The following PLCL1 variants were observed in gnomAD, a reference collection of about 807,000 sequenced individuals.
PLCL1 encodes phospholipase C like 1 (inactive), also known as inactive phospholipase C-like protein 1.
PLCL1 carries 41 observed loss-of-function variants against 84.4 expected under a neutral mutation model. The ratio of observed to expected loss-of-function variants is 0.49; its 90% CI spans 0.38 to 0.63. The LOEUF (loss-of-function observed/expected upper bound fraction) is 0.63. PLCL1 is among the 30% of genes least tolerant of loss of function. The pLI is 0.00. For missense variants in PLCL1, 1,206 were observed against 1,367.8 expected (o/e 0.88, Z 1.87); for synonymous variants, 490 against 488.3 (o/e 1.00, Z -0.05).
chr2:197,893,558 A>G (rs1688072563), intron 1 of PLCL1, among the ~76,000 whole-genome samples: 1 of 152,198 alleles, frequency 6.6e-6, no homozygotes, highest in African/African-American at 2.4e-5. Flanking sequence ...ATCATTACAA[A>G]TGTGACTTTA....
At chr2:198,089,756 G>T (rs564725946) in intron 3 of PLCL1, among the ~76,000 whole-genome samples, 10 of 152,130 alleles carry the variant, frequency 6.6e-5, no homozygotes, top group Non-Finnish European at 1.3e-4. Context: ...TGGATATTAA[G>T]GGACAACCAA....
chr2:197,954,217 T>C (rs1293154215), intron 1 of PLCL1, among the ~76,000 whole-genome samples: 3 of 152,114 alleles, frequency 2.0e-5, no homozygotes, highest in Non-Finnish European at 2.9e-5. Context: ...TCTCTTGGCC[T>C]TAGAATGAGG....
intron 1 of PLCL1, among the ~76,000 whole-genome samples, chr2:198,017,374 A>G (rs1691023317): frequency 6.6e-6 from 1 of 152,260 alleles, no homozygotes; most frequent in East Asian, 1.9e-4. Flanking sequence ...TGGCTGAATA[A>G]GAAGGATGAC....
intron 1 of PLCL1, among the ~76,000 whole-genome samples, chr2:197,930,833 C>A (rs772463345): frequency 1.3e-5 from 2 of 152,148 alleles, no homozygotes; most frequent in Non-Finnish European, 2.9e-5. Flanking sequence ...CATAAGGAGG[C>A]CAGCACTGTC....
intron 1 of PLCL1, among the ~76,000 whole-genome samples, chr2:197,859,790 C>A (rs1040491771): frequency 6.6e-6 from 1 of 152,086 alleles, no homozygotes; most frequent in East Asian, 1.9e-4. Flanking sequence ...AGCTATACCA[C>A]CTAGTTTTGG....
intron 1 of PLCL1, among the ~76,000 whole-genome samples, chr2:198,053,680 G>A (rs1574276978): frequency 6.6e-6 from 1 of 152,218 alleles, no homozygotes; most frequent in Non-Finnish European, 1.5e-5. Context: ...CTAGCTGTGA[G>A]CTGCAGTACT....
At chr2:197,996,832 A>AGG (rs1310679570) in intron 1 of PLCL1, among the ~76,000 whole-genome samples, 1 of 152,142 alleles carries the variant, frequency 6.6e-6, no homozygotes, top group Admixed American at 6.5e-5. Context: ...TTTACTAGTA[A>AGG]AGCAACCCAA....
Position 198,139,851 on chromosome 2 carries a change from G to A in PLCL1, c.3106-6929G>A, listed in dbSNP as rs142125988. 2.2e-3 allele frequency among the ~76,000 whole-genome samples: 341 copies of A among 152,132 alleles called. 1 individual carries two copies. The highest frequency in any genetic ancestry group is 7.7e-3 in the African/African-American group (321 of 41,490). On this transcript the variant is annotated intron_variant, in intron 5 of 5. Transcript: ENST00000428675. Reference sequence around the variant, plus strand: ...GTTTCCAAAGCACAGGGAAGAGATGGGTGTATCTCAGTTCACATATACATA... The same window carrying A: ...GTTTCCAAAGCACAGGGAAGAGATGAGTGTATCTCAGTTCACATATACATA...
At chr2:197,875,646 A>T (rs1183927883) in intron 1 of PLCL1, among the ~76,000 whole-genome samples, 1 of 152,046 alleles carries the variant, frequency 6.6e-6, no homozygotes, top group East Asian at 1.9e-4. Flanking sequence ...TTTGCTCCCG[A>T]CATAACACCC....
chr2:198,104,069 T>C (rs1281155398), intron 5 of PLCL1, 133 bp downstream of exon 5: 1 of 487,570 alleles, frequency 2.1e-6, no homozygotes. Context: ...CAGGGTTACA[T>C]GTGCAGGTTT....
chr2:197,992,921 C>T (rs1158902328), intron 1 of PLCL1, among the ~76,000 whole-genome samples: 1 of 152,142 alleles, frequency 6.6e-6, no homozygotes, highest in East Asian at 1.9e-4. Flanking sequence ...TTGAAGGGTA[C>T]TTGGGTTACT....
At chr2:197,851,216 CT>C (rs1229333922) in intron 1 of PLCL1, among the ~76,000 whole-genome samples, 2 of 152,168 alleles carry the variant, frequency 1.3e-5, no homozygotes, top group African/African-American at 4.8e-5. Context: ...AGCGGAAAAA[CT>C]TTTTTCCTCC....
At chr2:197,957,925 A>T (rs963770408) in intron 1 of PLCL1, among the ~76,000 whole-genome samples, 1 of 152,086 alleles carries the variant, frequency 6.6e-6, no homozygotes, top group Non-Finnish European at 1.5e-5. Flanking sequence ...GTTGTCCTGA[A>T]GCAGATCCAC....
intron 5 of PLCL1, among the ~76,000 whole-genome samples, chr2:198,121,387 C>T (rs1360460981): frequency 1.3e-5 from 2 of 151,978 alleles, no homozygotes; most frequent in Non-Finnish European, 2.9e-5. Context: ...GACACATTTC[C>T]CCAGACAAAT....
At chr2:198,024,904 T>C (rs1392717794) in intron 1 of PLCL1, among the ~76,000 whole-genome samples, 1 of 152,184 alleles carries the variant, frequency 6.6e-6, no homozygotes, top group African/African-American at 2.4e-5. Context: ...TAATTCCTAA[T>C]GATACTTCCA....
At chr2:197,850,021 GACACACACAGACACACACAC>G (rs1444359485) in intron 1 of PLCL1, among the ~76,000 whole-genome samples, 1 of 93,234 alleles carries the variant, frequency 1.1e-5, no homozygotes, top group African/African-American at 4.6e-5. Flanking sequence ...CAGACACACA[GACACACACAGACACACACAC>G]ACACACACAC....
chr2:198,128,680 T>C (rs1006649440), intron 5 of PLCL1, among the ~76,000 whole-genome samples: 3 of 152,178 alleles, frequency 2.0e-5, no homozygotes, highest in African/African-American at 7.2e-5. Flanking sequence ...AGCCTCCAGC[T>C]GCATGACTCC....
rs528481565 is a variant in PLCL1 at position 197,897,097 on chromosome 2, T to G, written c.240+91758T>G. Among the ~76,000 whole-genome samples the G allele has an allele frequency of 8.0e-5, 12 of 149,972 alleles. No homozygotes were observed. The South Asian group carries it at 1.9e-3, about 24-fold the overall frequency. On this transcript the variant is annotated intron_variant, in intron 1 of 5. Coordinates refer to ENST00000428675, the MANE Select transcript of PLCL1 (RefSeq NM_006226.4). ...ATACCTTTGGGGATAGAAGTATGAC[T>G]CCTTCTTCTTCTTCTTCTTCTTCTT...
chr2:198,025,607 TA>T (rs1362843844), intron 1 of PLCL1, among the ~76,000 whole-genome samples: 1 of 152,196 alleles, frequency 6.6e-6, no homozygotes, highest in South Asian at 2.1e-4. Flanking sequence ...GACTAATACC[TA>T]ACAGAAATCA....
Sources: gnomAD v4.1 joint callset for allele counts (sites outside exome capture counted in the v4.1 genomes callset) on GRCh38, gnomAD v4.1.1 for gene constraint, MANE v1.5 for transcripts, NCBI Gene and HGNC (gene_info 2026-07-23, HGNC 2026-07-21) for gene names.